The following LYPLAL1 variants were observed in gnomAD, a reference collection of about 807,000 sequenced individuals.
The protein encoded by LYPLAL1 is lysophospholipase like 1.
Under a neutral mutation model 19.7 loss-of-function variants are expected in LYPLAL1, and 23 were observed. The observed-to-expected ratio is 1.17, with a 90% CI of 0.84 to 1.65. The LOEUF (loss-of-function observed/expected upper bound fraction) is 1.65, where lower values mean the gene tolerates loss of function less well. Among genes scored for constraint, LYPLAL1 ranks in the 40% most tolerant of loss-of-function variants. The probability of loss-of-function intolerance (pLI) is 0.00; values close to 1 mark genes in which losing one functional copy is unlikely to be tolerated. For synonymous variants in LYPLAL1, 119 were observed against 96.3 expected, an observed-to-expected ratio of 1.24 and a Z score of -1.38; for missense variants, 355 against 279.4, an observed-to-expected ratio of 1.27 and a Z score of -1.93.
chr1:219,289,751 C>T, the LYPLAL1 span, among the ~76,000 whole-genome samples: 3 of 152,246 alleles, frequency 2.0e-5, no homozygotes, highest in East Asian at 1.9e-4. Flanking sequence ...CAATTGCTCG[C>T]GCCATCCTCA....
chr1:219,389,674 T>C, the LYPLAL1 span, among the ~76,000 whole-genome samples: 2 of 152,172 alleles, frequency 1.3e-5, no homozygotes, highest in African/African-American at 4.8e-5. Flanking sequence ...TTAATACCAA[T>C]GAAGAACTGT....
At chr1:219,358,826 G>A in the LYPLAL1 span, among the ~76,000 whole-genome samples, 1 of 150,708 alleles carries the variant, frequency 6.6e-6, no homozygotes, top group East Asian at 2.0e-4. Flanking sequence ...TATAGTGCGT[G>A]TGTGTGTGCG....
At chr1:219,439,930 T>C in the LYPLAL1 span, among the ~76,000 whole-genome samples, 1 of 148,232 alleles carries the variant, frequency 6.7e-6, no homozygotes, top group Non-Finnish European at 1.5e-5. Flanking sequence ...AGAGAAACTA[T>C]TTTAATTGTC....
chr1:219,269,016 G>T, the LYPLAL1 span, among the ~76,000 whole-genome samples: 65 of 152,336 alleles, frequency 4.3e-4, no homozygotes, highest in Admixed American at 1.8e-3. Context: ...GATTGTCAAA[G>T]GTGATGTAGC....
the LYPLAL1 span, among the ~76,000 whole-genome samples, chr1:219,380,226 C>T: frequency 5.9e-5 from 9 of 152,206 alleles, no homozygotes; most frequent in African/African-American, 1.4e-4. Flanking sequence ...AGAGATTTAT[C>T]GAATAAATGC....
chr1:219,364,932 A>G, the LYPLAL1 span, among the ~76,000 whole-genome samples: 1 of 152,122 alleles, frequency 6.6e-6, no homozygotes, highest in African/African-American at 2.4e-5. Context: ...AAATTTAGTT[A>G]AACTGTGTTT....
chr1:219,346,613 C>T, the LYPLAL1 span, among the ~76,000 whole-genome samples: 264 of 152,152 alleles, frequency 1.7e-3, 2 homozygotes, highest in African/African-American at 5.0e-3. Context: ...GGCAGAGAGA[C>T]GCTGTGTTGA....
At chr1:219,443,051 A>G in the LYPLAL1 span, among the ~76,000 whole-genome samples, 1 of 151,938 alleles carries the variant, frequency 6.6e-6, no homozygotes. Flanking sequence ...TGTTTAAAAT[A>G]ATGCTATGCA....
At chr1:219,373,874 A>C in the LYPLAL1 span, among the ~76,000 whole-genome samples, 296 of 38,418 alleles carry the variant, frequency 7.7e-3, 2 homozygotes, top group South Asian at 0.012. Context: ...AAAAAAAAAA[A>C]AAAAAAACAA....
the LYPLAL1 span, among the ~76,000 whole-genome samples, chr1:219,238,777 TATTTA>T: frequency 1.2e-4 from 19 of 152,292 alleles, no homozygotes; most frequent in South Asian, 1.2e-3. Context: ...AACCTCAACT[TATTTA>T]AAATTGTCAT....
At chr1:219,430,093 A>G in the LYPLAL1 span, among the ~76,000 whole-genome samples, 1 of 152,138 alleles carries the variant, frequency 6.6e-6, no homozygotes, top group Non-Finnish European at 1.5e-5. Flanking sequence ...CAGGAGTATG[A>G]GACTAGCCTG....
At chr1:219,222,033 A>T in the LYPLAL1 span, among the ~76,000 whole-genome samples, 9 of 152,272 alleles carry the variant, frequency 5.9e-5, no homozygotes, top group South Asian at 1.9e-3. Flanking sequence ...CTAGAATCCA[A>T]CAGAGCCACA....
At chr1:219,181,098 A>G (rs1656237376) in intron 2 of LYPLAL1, among the ~76,000 whole-genome samples, 1 of 152,178 alleles carries the variant, frequency 6.6e-6, no homozygotes, top group African/African-American at 2.4e-5. Flanking sequence ...TGATTTTAAT[A>G]ATATATTTTA....
the LYPLAL1 span, among the ~76,000 whole-genome samples, chr1:219,314,183 T>A: frequency 2.6e-5 from 4 of 152,366 alleles, no homozygotes; most frequent in African/African-American, 7.2e-5. Context: ...CTGCATAATA[T>A]TCCATTGTGC....
the LYPLAL1 span, among the ~76,000 whole-genome samples, chr1:219,445,072 A>G: frequency 1.3e-5 from 2 of 152,188 alleles, no homozygotes; most frequent in South Asian, 4.2e-4. Context: ...TGTGAATAAA[A>G]AAAAAAAACA....
In LYPLAL1 at chr1:219,211,610, T is replaced by C; in HGVS notation, c.596T>C (p.Val199Ala). Residue 199 changes from valine to alanine, a missense_variant, in exon 5 of 5, where the codon GTG becomes GCG. Physicochemically the swap from Val to Ala is moderately conservative, Grantham distance 64. Transcript: ENST00000366928. ...AACTCAATGTTAAAATCTCTAGGAG[T>C]GACCACGAAGTTTCATAGTTTTCCA... ...ETNSMLKSLG[V>A]TTKFHSFPNV... 6.2e-7 allele frequency: 1 copy of C among 1,613,402 alleles called. No individual in the cohort carries two copies. Among genetic ancestry groups the C allele is most frequent in the African/African-American group, 1.3e-5 (1 of 74,992 alleles).
chr1:219,260,771 C>T, the LYPLAL1 span, among the ~76,000 whole-genome samples: 1 of 151,380 alleles, frequency 6.6e-6, no homozygotes, highest in Non-Finnish European at 1.5e-5. Context: ...TAGAAAATGC[C>T]TTTCTCTGTA....
chr1:219,374,247 G>T, the LYPLAL1 span, among the ~76,000 whole-genome samples: 4 of 151,590 alleles, frequency 2.6e-5, no homozygotes, highest in Non-Finnish European at 1.5e-5. Flanking sequence ...AATTGGCAGA[G>T]AACGGCTGAA....
At chr1:219,182,495 C>T (rs1656374116) in intron 2 of LYPLAL1, among the ~76,000 whole-genome samples, 1 of 152,112 alleles carries the variant, frequency 6.6e-6, no homozygotes, top group Admixed American at 6.6e-5. Context: ...ATCTACCTTG[C>T]TTGCTACCTT....
Sources: gnomAD v4.1 joint callset for allele counts (sites outside exome capture counted in the v4.1 genomes callset) on GRCh38, gnomAD v4.1.1 for gene constraint, MANE v1.5 for transcripts, NCBI Gene and HGNC (gene_info 2026-07-23, HGNC 2026-07-21) for gene names.